Variants in ARHGAP5 observed in about 807,000 individuals in gnomAD.
ARHGAP5 encodes rho GTPase-activating protein 5.
A neutral mutation model predicts 116.6 loss-of-function variants in ARHGAP5; 23 were observed. That is an observed-to-expected ratio of 0.20 (90% CI 0.14 to 0.28). The LOEUF is 0.28. Ranked by LOEUF, ARHGAP5 falls within the 10% of genes least tolerant of loss-of-function variation. ARHGAP5 has a pLI of 1.00. For missense variants in ARHGAP5, 1,405 were observed against 1,774.8 expected (o/e 0.79, Z 3.74); for synonymous variants, 574 against 602.0 (o/e 0.95, Z 0.68).
chr14:32,084,675 T>C (rs539817069), intron 1 of ARHGAP5, among the ~76,000 whole-genome samples: 18 of 152,214 alleles, frequency 1.2e-4, no homozygotes, highest in Non-Finnish European at 2.4e-4. Context: ...TGGTTCTCTC[T>C]TCATTTGCCT....
At chr14:32,127,308 A>G (rs1418794473) in intron 3 of ARHGAP5, among the ~76,000 whole-genome samples, 1 of 152,164 alleles carries the variant, frequency 6.6e-6, no homozygotes, top group Non-Finnish European at 1.5e-5. Context: ...TTTTCTAGGC[A>G]GAGGACCCTG....
Position 32,077,304 on chromosome 14 carries a change from G to C in ARHGAP5, c.-300G>C, listed in dbSNP as rs898836056. 5.8e-6 allele frequency: 4 copies of C among 689,214 alleles called. 1 individual carries two copies. The Admixed American group carries it at 8.2e-5, about 14-fold the overall frequency. 42.7% of individuals were successfully genotyped at this position (689,214 alleles called of 1,614,324 possible). On this transcript the variant is annotated 5_prime_UTR_variant, in exon 1 of 7. Coordinates refer to ENST00000345122, the MANE Select transcript of ARHGAP5 (RefSeq NM_001030055.2). ...GGACGCGCCGCTCGGTGAGCGCGCC[G>C]AGGAAGAGAGGCGAGCGGAGAGTGG...
intron 1 of ARHGAP5, among the ~76,000 whole-genome samples, chr14:32,084,260 G>C (rs1056822589): frequency 2.0e-5 from 3 of 152,128 alleles, no homozygotes; most frequent in African/African-American, 7.2e-5. Flanking sequence ...TTGCTGCGTG[G>C]GTTTGCGGAG....
At chr14:32,118,523 A>G (rs1212206324) in intron 3 of ARHGAP5, among the ~76,000 whole-genome samples, 1 of 152,076 alleles carries the variant, frequency 6.6e-6, no homozygotes, top group Non-Finnish European at 1.5e-5. Flanking sequence ...AAGAAATTCC[A>G]TTATCCACTA....
chr14:32,087,641 T>C (rs1301954003), intron 1 of ARHGAP5, among the ~76,000 whole-genome samples: 1 of 151,932 alleles, frequency 6.6e-6, no homozygotes, highest in Non-Finnish European at 1.5e-5. Flanking sequence ...TGAAAATCAC[T>C]ATATGGTGAC....
chr14:32,152,463 A>G lies in ARHGAP5; in HGVS notation c.4116A>G (p.Glu1372=), dbSNP rs758209606. 6.2e-7 allele frequency: 1 copy of G among 1,607,294 alleles called. No individual in the cohort carries two copies. Among genetic ancestry groups the G allele is most frequent in the African/African-American group, 1.3e-5 (1 of 74,664 alleles). Residue 1372 remains glutamate, a synonymous_variant, in exon 6 of 7, where the codon GAA becomes GAG. Transcript: ENST00000345122. ...CAGAACGTCTTCATGCCTTGAAAGA[A>G]ATTGTTAAGAAATTTCATCCTGTAA... ...DKTERLHALK[E]IVKKFHPVNY...
chr14:32,128,467 C>T (rs531033279), intron 3 of ARHGAP5, among the ~76,000 whole-genome samples: 1 of 152,388 alleles, frequency 6.6e-6, no homozygotes, highest in South Asian at 2.1e-4. Flanking sequence ...CTGAGAAAGT[C>T]CCTTCACCTC....
chr14:32,152,684 T>C (rs530763618), intron 6 of ARHGAP5, among the ~76,000 whole-genome samples, 156 bp downstream of exon 6: 4 of 152,324 alleles, frequency 2.6e-5, no homozygotes, highest in Non-Finnish European at 4.4e-5. Flanking sequence ...TAAAAAGATA[T>C]ATGATTAGTT....
intron 3 of ARHGAP5, among the ~76,000 whole-genome samples, chr14:32,136,613 G>A (rs1290794817): frequency 6.6e-6 from 1 of 152,138 alleles, no homozygotes; most frequent in African/African-American, 2.4e-5. Flanking sequence ...AATTCTTGAG[G>A]GTGTATGCCT....
At chr14:32,154,436 A>G (rs1481279399) in intron 6 of ARHGAP5, 185 bp from the exon 7 acceptor site, 25 of 575,600 alleles carry the variant, frequency 4.3e-5, no homozygotes, top group Non-Finnish European at 7.3e-5. Flanking sequence ...GGCGTGAGCC[A>G]CTGCACCTGG....
At chr14:32,085,658 T>C (rs1162433959) in intron 1 of ARHGAP5, among the ~76,000 whole-genome samples, 1 of 152,198 alleles carries the variant, frequency 6.6e-6, no homozygotes, top group Non-Finnish European at 1.5e-5. Context: ...TGAATATTTG[T>C]TTACATAAGG....
chr14:32,130,079 A>G (rs1327537798), intron 3 of ARHGAP5, among the ~76,000 whole-genome samples: 1 of 151,340 alleles, frequency 6.6e-6, no homozygotes, highest in Non-Finnish European at 1.5e-5. Context: ...AAATACATAT[A>G]TATGTAATAA....
chr14:32,150,838 T>C (rs182629822), intron 5 of ARHGAP5, among the ~76,000 whole-genome samples: 24 of 152,366 alleles, frequency 1.6e-4, no homozygotes, highest in African/African-American at 5.0e-4. Flanking sequence ...TATTTATTCC[T>C]ACTTTGGCAT....
At chr14:32,126,583 T>C (rs1208805575) in intron 3 of ARHGAP5, among the ~76,000 whole-genome samples, 2 of 152,226 alleles carry the variant, frequency 1.3e-5, no homozygotes, top group Non-Finnish European at 2.9e-5. Flanking sequence ...TTCTAAGGTA[T>C]TGGGGGTTAA....
intron 2 of ARHGAP5, among the ~76,000 whole-genome samples, chr14:32,115,588 C>T (rs1360931557): frequency 6.6e-6 from 1 of 150,504 alleles, no homozygotes; most frequent in Admixed American, 6.6e-5. Context: ...GTGGTGTGAA[C>T]CCGGGAGGCG....
intron 3 of ARHGAP5, among the ~76,000 whole-genome samples, chr14:32,128,205 G>A (rs985524385): frequency 4.0e-5 from 6 of 151,750 alleles, no homozygotes; most frequent in South Asian, 2.1e-4. Context: ...CAGACTGGGC[G>A]GCCAGGCAGA....
rs1878300079 is a variant in ARHGAP5 at position 32,092,396 on chromosome 14, T to G, written c.1727T>G (p.Leu576Arg). ...IKVEQLLASS[L>R]LQLDHGRLRL... ...GTGGAGCAGTTACTTGCTAGTAGTC[T>G]TTTACAGTTGGATCATGGCCGCTTA... The change falls in exon 2 of 7, where the codon CTT becomes CGT. Residue 576 changes from leucine (L) to arginine (R), a missense_variant. Transcript: ENST00000345122. The surrounding 1 kb of genome is among the most constrained non-coding windows in gnomAD (Gnocchi z 4.1). The G allele has an allele frequency of 6.2e-7, 1 of 1,613,462 alleles. No individual in the cohort carries two copies. The highest frequency in any genetic ancestry group is 1.1e-5 in the South Asian group (1 of 90,950).
At chr14:32,116,115 C>T (rs1360775690) in intron 2 of ARHGAP5, among the ~76,000 whole-genome samples, 11 of 141,014 alleles carry the variant, frequency 7.8e-5, no homozygotes, top group Admixed American at 6.6e-4. Flanking sequence ...GTGAAACCCC[C>T]GTCTCTACTA....
chr14:32,141,035 G>T (rs1881100503), intron 3 of ARHGAP5, among the ~76,000 whole-genome samples: 2 of 152,178 alleles, frequency 1.3e-5, no homozygotes, highest in Non-Finnish European at 2.9e-5. Context: ...TACTGATGGA[G>T]TCTCCCTGTT....
Sources: allele counts gnomAD v4.1 joint callset (sites outside exome capture counted in the v4.1 genomes callset), GRCh38; gene constraint gnomAD v4.1.1; non-coding constraint Gnocchi (gnomAD v3.1); transcripts MANE v1.5; gene names NCBI Gene and HGNC (gene_info 2026-07-23, HGNC 2026-07-21).